Variants in ADCY2 observed in about 807,000 individuals in gnomAD.
ADCY2 encodes the protein adenylate cyclase type 2.
Under a neutral mutation model 125.2 loss-of-function variants are expected in ADCY2, and 31 were observed. The observed-to-expected ratio is 0.25, with a 90% CI of 0.19 to 0.33. The LOEUF (loss-of-function observed/expected upper bound fraction) is 0.33, where lower values mean the gene tolerates loss of function less well. ADCY2 is among the 10% of genes least tolerant of loss of function. The pLI, the probability that ADCY2 is intolerant of heterozygous loss-of-function variation, is 1.00. For missense variants in ADCY2, 904 were observed against 1,418.2 expected, an observed-to-expected ratio of 0.64 and a Z score of 5.82; for synonymous variants, 512 against 548.4, an observed-to-expected ratio of 0.93 and a Z score of 0.93.
At chr5:7,441,983 ACT>A (rs1361226884) in intron 2 of ADCY2, among the ~76,000 whole-genome samples, 4 of 151,292 alleles carry the variant, frequency 2.6e-5, no homozygotes, top group African/African-American at 9.7e-5. Context: ...AATCCCTTAA[ACT>A]CTCTCTGTTT....
chr5:7,436,484 C>G (rs1331704121), intron 2 of ADCY2, among the ~76,000 whole-genome samples: 1 of 152,184 alleles, frequency 6.6e-6, no homozygotes, highest in African/African-American at 2.4e-5. Flanking sequence ...TTGTCCCACT[C>G]AACAATTTAA....
chr5:7,465,287 G>A (rs1279825295), intron 2 of ADCY2, among the ~76,000 whole-genome samples: 4 of 152,144 alleles, frequency 2.6e-5, no homozygotes, highest in African/African-American at 9.7e-5. Flanking sequence ...TAGTTACCTG[G>A]GTCAGACACC....
chr5:7,523,013 C>G (rs1472529), intron 3 of ADCY2, among the ~76,000 whole-genome samples: 96,826 of 151,922 alleles, frequency 0.64, 33,863 homozygotes, highest in Non-Finnish European at 0.77. Context: ...CAATCAGACA[C>G]TCAAACATGC....
chr5:7,499,599 A>G (rs540140470), intron 2 of ADCY2, among the ~76,000 whole-genome samples: 1 of 149,350 alleles, frequency 6.7e-6, no homozygotes, highest in Non-Finnish European at 1.5e-5. Flanking sequence ...AGCAAATAAT[A>G]CATACCTATT....
At chr5:7,590,330 G>A (rs1736815211) in intron 3 of ADCY2, among the ~76,000 whole-genome samples, 1 of 152,134 alleles carries the variant, frequency 6.6e-6, no homozygotes, top group Admixed American at 6.5e-5. Flanking sequence ...AATGATAGAA[G>A]CTTTTCTTGA....
chr5:7,650,821 T>A (rs571378560), intron 4 of ADCY2, among the ~76,000 whole-genome samples: 2 of 152,172 alleles, frequency 1.3e-5, no homozygotes, highest in African/African-American at 4.8e-5. Context: ...CCTAACAAAA[T>A]GGAATTGAGC....
intron 3 of ADCY2, chr5:7,522,216 G>A (rs1159219925): frequency 6.6e-6 from 1 of 152,182 alleles, no homozygotes; most frequent in African/African-American, 2.4e-5. Flanking sequence ...TGTATGCATT[G>A]TGTAATGGTT....
intron 2 of ADCY2, among the ~76,000 whole-genome samples, chr5:7,470,062 A>G (rs1742280466): frequency 6.6e-6 from 1 of 151,856 alleles, no homozygotes; most frequent in African/African-American, 2.4e-5. Context: ...AACTTTATTT[A>G]TTTGAAAACT....
At chr5:7,689,706 T>C (rs1054182724) in intron 4 of ADCY2, among the ~76,000 whole-genome samples, 1 of 151,744 alleles carries the variant, frequency 6.6e-6, no homozygotes, top group Admixed American at 6.6e-5. Context: ...TAATCCCTCA[T>C]CAGCTTGCCA....
At chr5:7,821,872 G>A (rs532626921) in intron 24 of ADCY2, among the ~76,000 whole-genome samples, 1 of 152,306 alleles carries the variant, frequency 6.6e-6, no homozygotes, top group African/African-American at 2.4e-5. Context: ...CCTGAACAGG[G>A]GCAATGCTCA....
At chr5:7,724,114 C>CTAAAAAA (rs1276071098) in intron 12 of ADCY2, among the ~76,000 whole-genome samples, 1 of 76,560 alleles carries the variant, frequency 1.3e-5, no homozygotes, top group Non-Finnish European at 2.3e-5. Context: ...TAGAAGCTAA[C>CTAAAAAA]AAAAAAAAAA....
chr5:7,486,141 T>C (rs1186043081), intron 2 of ADCY2, among the ~76,000 whole-genome samples: 1 of 152,192 alleles, frequency 6.6e-6, no homozygotes, highest in Non-Finnish European at 1.5e-5. Flanking sequence ...TAGGTGCAGG[T>C]GGGCATTCAA....
intron 3 of ADCY2, among the ~76,000 whole-genome samples, chr5:7,617,496 A>G (rs931857290): frequency 1.3e-5 from 2 of 152,182 alleles, no homozygotes; most frequent in African/African-American, 4.8e-5. Flanking sequence ...AGTAGTAGTC[A>G]TAATCATAGC....
At chr5:7,771,006 C>T (rs1456022283) in intron 17 of ADCY2, among the ~76,000 whole-genome samples, 2 of 152,180 alleles carry the variant, frequency 1.3e-5, no homozygotes, top group African/African-American at 2.4e-5. Flanking sequence ...AAGTTTCTAT[C>T]CACATTCTGT....
intron 2 of ADCY2, among the ~76,000 whole-genome samples, chr5:7,449,501 A>G (rs1741395802): frequency 6.6e-6 from 1 of 152,222 alleles, no homozygotes; most frequent in Non-Finnish European, 1.5e-5. Context: ...AAGAACAACC[A>G]AGAGGTGCCA....
intron 4 of ADCY2, among the ~76,000 whole-genome samples, chr5:7,652,498 C>A (rs936717080): frequency 1.3e-5 from 2 of 152,220 alleles, no homozygotes; most frequent in African/African-American, 4.8e-5. Context: ...TCCCTTTCAT[C>A]TACTCTTTAG....
chr5:7,777,774 T>G (rs538064537), intron 18 of ADCY2, among the ~76,000 whole-genome samples: 1 of 152,290 alleles, frequency 6.6e-6, no homozygotes, highest in South Asian at 2.1e-4. Context: ...TAGAAAAACT[T>G]CGTATCGATG....
chr5:7,610,216 C>T (rs1255168225), intron 3 of ADCY2, among the ~76,000 whole-genome samples: 1 of 152,148 alleles, frequency 6.6e-6, no homozygotes, highest in African/African-American at 2.4e-5. Context: ...GATGATGCTG[C>T]AAGGGAGAAC....
At chr5:7,645,743 T>C (rs2126677709) in intron 4 of ADCY2, among the ~76,000 whole-genome samples, 1 of 152,334 alleles carries the variant, frequency 6.6e-6, no homozygotes, top group South Asian at 2.1e-4. Flanking sequence ...TCAACAGGCT[T>C]TCCAAATAAC....
Sources: allele counts gnomAD v4.1 joint callset (sites outside exome capture counted in the v4.1 genomes callset), GRCh38; gene constraint gnomAD v4.1.1; transcripts MANE v1.5; gene names NCBI Gene and HGNC (gene_info 2026-07-23, HGNC 2026-07-21).